Variants in PHKA2 observed in about 807,000 individuals in gnomAD.
PHKA2 encodes phosphorylase kinase regulatory subunit alpha 2, also known as phosphorylase b kinase regulatory subunit alpha, liver isoform.
A neutral mutation model predicts 102.0 loss-of-function variants in PHKA2; 31 were observed. The ratio of observed to expected loss-of-function variants is 0.30; its 90% CI spans 0.23 to 0.41. The LOEUF is 0.41. Ranked by LOEUF, PHKA2 falls within the 10% of genes least tolerant of loss-of-function variation. The probability of loss-of-function intolerance (pLI) is 1.00; values close to 1 mark genes in which losing one functional copy is unlikely to be tolerated. For synonymous variants in PHKA2, 455 were observed against 416.2 expected, an observed-to-expected ratio of 1.09 and a Z score of -1.13; for missense variants, 858 against 1,023.1, an observed-to-expected ratio of 0.84 and a Z score of 2.20.
chrX:18,894,767 A>G (rs2047503299), intron 31 of PHKA2: 1 of 377,499 alleles, frequency 2.6e-6, no homozygotes, highest in Non-Finnish European at 4.7e-6. Flanking sequence ...AAAAAGAATG[A>G]CAAATCACCT....
chrX:18,934,290 G>A (rs1296996793), intron 11 of PHKA2, among the ~76,000 whole-genome samples: 2 of 112,338 alleles, frequency 1.8e-5, no homozygotes, highest in South Asian at 3.7e-4. Flanking sequence ...AGCAGGCTCC[G>A]TAGACTGATC....
At chrX:18,897,067 C>T (rs2147815620) in intron 30 of PHKA2, 96 bp downstream of exon 30, 2 of 1,001,412 alleles carry the variant, frequency 2.0e-6, no homozygotes, top group East Asian at 6.1e-5. Context: ...AAGCCATCCT[C>T]AGGGCTGTGT....
chrX:18,905,212 C>T (rs150800511), intron 26 of PHKA2, among the ~76,000 whole-genome samples: 5 of 112,349 alleles, frequency 4.5e-5, no homozygotes, highest in Non-Finnish European at 9.4e-5. Context: ...TTTGCTCTGT[C>T]GCCCAGGCTG....
intron 17 of PHKA2, among the ~76,000 whole-genome samples, chrX:18,922,665 C>T (rs2048142079): frequency 9.1e-6 from 1 of 109,420 alleles, no homozygotes; most frequent in African/African-American, 3.3e-5. Context: ...CAGTCAAACT[C>T]ATGGAGGCAG....
At chrX:18,980,977 TA>T (rs1306002678) in intron 1 of PHKA2, among the ~76,000 whole-genome samples, 2 of 110,863 alleles carry the variant, frequency 1.8e-5, no homozygotes, top group African/African-American at 3.3e-5. Flanking sequence ...CAGCTGACAC[TA>T]AAAAAAATGC....
chrX:18,914,284 A>AT (rs994524063), intron 19 of PHKA2, among the ~76,000 whole-genome samples: 6 of 111,523 alleles, frequency 5.4e-5, no homozygotes, highest in East Asian at 2.8e-4. Context: ...AACTGTATAT[A>AT]TTTTTTTTTA....
chrX:18,967,439 A>G (rs2048960966), intron 1 of PHKA2, among the ~76,000 whole-genome samples: 1 of 110,799 alleles, frequency 9.0e-6, no homozygotes, highest in Admixed American at 9.6e-5. Flanking sequence ...TGGAGAGGAG[A>G]GTCTGAAAGT....
chrX:18,961,838 G>A (rs1344091165), intron 1 of PHKA2, among the ~76,000 whole-genome samples: 1 of 109,398 alleles, frequency 9.1e-6, no homozygotes, highest in African/African-American at 3.3e-5. Context: ...CAAAACCGGG[G>A]AGCTGCTTCA....
chrX:18,903,463 G>C (rs5955664), intron 26 of PHKA2, among the ~76,000 whole-genome samples: 1,611 of 112,429 alleles, frequency 0.014, 20 homozygotes, highest in Middle Eastern at 0.028. Flanking sequence ...CCGTGGGCTG[G>C]ATGATCCAGA....
chrX:18,952,424 C>T, intron 3 of PHKA2, 70 bp downstream of exon 3: 1 of 887,367 alleles, frequency 1.1e-6, no homozygotes, highest in African/African-American at 2.0e-5. Context: ...ACGTCTTAAG[C>T]ATGTTAACTG....
chrX:18,911,376 T>G lies in PHKA2; in HGVS notation c.2138-416A>C, dbSNP rs760387409. ...TTAGTAGGGACGGAATTTCGCCATG[T>G]TGGTCAGGCTGATCTCGAACTCCCG... On this transcript the variant is annotated intron_variant, in intron 19 of 32. Transcript: ENST00000379942. Among the ~76,000 whole-genome samples the G allele has an allele frequency of 9.0e-5, 10 of 111,536 alleles. No individual in the cohort carries two copies. In the East Asian group the frequency reaches 2.0e-3, roughly 22 times the overall value.
At chrX:18,939,826 A>G (rs2048461811) in intron 9 of PHKA2, among the ~76,000 whole-genome samples, 169 bp downstream of exon 9, 1 of 112,252 alleles carries the variant, frequency 8.9e-6, no homozygotes, top group African/African-American at 3.2e-5. Flanking sequence ...CACCGTCCCT[A>G]CTAAAGATAC....
chrX:18,964,583 G>A (rs971951809), intron 1 of PHKA2, among the ~76,000 whole-genome samples: 19 of 112,336 alleles, frequency 1.7e-4, no homozygotes, highest in African/African-American at 5.5e-4. Context: ...TTACAATAAC[G>A]CCAACAACTG....
chrX:18,899,890 CTA>C (rs1322007285), intron 28 of PHKA2, among the ~76,000 whole-genome samples: 1 of 111,637 alleles, frequency 9.0e-6, no homozygotes. Flanking sequence ...CTAGGTGACT[CTA>C]AGCCCAGCAA....
chrX:18,921,356 G>A (rs1344873476), intron 17 of PHKA2, among the ~76,000 whole-genome samples: 1 of 111,173 alleles, frequency 9.0e-6, no homozygotes, highest in Non-Finnish European at 1.9e-5. Context: ...AACCTGGGAG[G>A]TGGAGGTTGC....
chrX:18,893,658 G>A lies in PHKA2; in HGVS notation c.3538-3C>T. On this transcript the variant is annotated splice_polypyrimidine_tract_variant and splice_region_variant and intron_variant, in intron 32 of 32. Coordinates refer to ENST00000379942, the MANE Select transcript of PHKA2 (RefSeq NM_000292.3). ...GTGTCCATGGCACCAATTGACACCT[G>A]CAGTAGGAAAGGGCAGAGGGGACAA... The A allele has an allele frequency of 8.3e-7, 1 of 1,206,981 alleles. No homozygotes were observed. The highest frequency in any genetic ancestry group is 3.0e-5 in the East Asian group (1 of 33,841).
chrX:18,981,748 C>T (rs918021608), intron 1 of PHKA2, among the ~76,000 whole-genome samples: 2 of 111,455 alleles, frequency 1.8e-5, no homozygotes, highest in African/African-American at 3.3e-5. Flanking sequence ...TGGGCACAAA[C>T]GTGTGGCCTC....
chrX:18,973,487 T>C (rs1174359037), intron 1 of PHKA2, among the ~76,000 whole-genome samples: 1 of 112,028 alleles, frequency 8.9e-6, no homozygotes, highest in Non-Finnish European at 1.9e-5. Flanking sequence ...GTTTTTTATA[T>C]ACATTGCTTG....
At chrX:18,943,861 T>C in intron 6 of PHKA2, 53 bp from the exon 7 acceptor site, 1 of 833,778 alleles carries the variant, frequency 1.2e-6, no homozygotes, top group Admixed American at 2.2e-5. Context: ...TACACTCCAA[T>C]ATCTGGTGTT....
Sources: gnomAD v4.1 joint callset for allele counts (sites outside exome capture counted in the v4.1 genomes callset) on GRCh38, gnomAD v4.1.1 for gene constraint, MANE v1.5 for transcripts, NCBI Gene and HGNC (gene_info 2026-07-23, HGNC 2026-07-21) for gene names.